The following CFAP77 variants were observed in gnomAD, a reference collection of about 807,000 sequenced individuals.
CFAP77 encodes cilia and flagella associated protein 77, also known as cilia- and flagella-associated protein 77.
Under a neutral mutation model 31.1 loss-of-function variants are expected in CFAP77, and 25 were observed. The ratio of observed to expected loss-of-function variants is 0.80; its 90% CI spans 0.59 to 1.12. The LOEUF is 1.12. CFAP77 is among the 50% of genes most tolerant of loss of function. The probability of loss-of-function intolerance (pLI) is 0.00; values close to 1 mark genes in which losing one functional copy is unlikely to be tolerated. For synonymous variants in CFAP77, 151 were observed against 159.9 expected (o/e 0.94, Z 0.42); for missense variants, 377 against 397.3 (o/e 0.95, Z 0.44).
intron 1 of CFAP77, among the ~76,000 whole-genome samples, chr9:132,464,357 A>G (rs1851114868): frequency 6.6e-6 from 1 of 151,904 alleles, no homozygotes; most frequent in South Asian, 2.1e-4. Context: ...TGCTCACCCC[A>G]ATTTAAAAAA....
chr9:132,515,926 G>C (rs1467641033), intron 3 of CFAP77, among the ~76,000 whole-genome samples: 1 of 152,246 alleles, frequency 6.6e-6, no homozygotes, highest in East Asian at 1.9e-4. Context: ...CTTGGGAAGA[G>C]AGAGAGGCAC....
intron 1 of CFAP77, among the ~76,000 whole-genome samples, chr9:132,428,411 C>G (rs1002686158): frequency 6.6e-6 from 1 of 152,008 alleles, no homozygotes; most frequent in Non-Finnish European, 1.5e-5. Flanking sequence ...GTCAGGAGTT[C>G]CAAACCAACC....
Position 132,423,448 on chromosome 9 carries a change from C to T in CFAP77, c.195+12982C>T, listed in dbSNP as rs551736674. On this transcript the variant is annotated intron_variant, in intron 1 of 5. Transcript: ENST00000393216. ...TCTGTGCAATGTGCTCACTGTGTGC[C>T]GGGCACTGTGCCTCTCCCTTACATC... is the stretch of plus-strand genomic sequence containing the variant. Among the ~76,000 whole-genome samples, 7 of 152,296 alleles carry T rather than the reference C, an allele frequency of 4.6e-5. No homozygotes were observed. The East Asian group carries it at 7.7e-4, about 17-fold the overall frequency.
Position 132,476,525 on chromosome 9 carries a change from C to T in CFAP77, c.196-22170C>T, listed in dbSNP as rs112930151. On this transcript the variant is annotated intron_variant, in intron 1 of 5. Coordinates refer to ENST00000393216, the MANE Select transcript of CFAP77 (RefSeq NM_001282957.2). ...GTGCTTGGTACTGGGATGGTTCCCACGAGGTGCTGGGTAATGAGTGCTGTG... is the reference window on the plus strand; with the variant it reads ...GTGCTTGGTACTGGGATGGTTCCCATGAGGTGCTGGGTAATGAGTGCTGTG... Among the ~76,000 whole-genome samples, 218 of 152,200 alleles carry T rather than the reference C, an allele frequency of 1.4e-3. 2 individuals are homozygous for T. The highest frequency in any genetic ancestry group is 4.9e-3 in the African/African-American group (202 of 41,522).
At chr9:132,437,457 TC>T (rs1850522301) in intron 1 of CFAP77, among the ~76,000 whole-genome samples, 1 of 151,336 alleles carries the variant, frequency 6.6e-6, no homozygotes, top group East Asian at 1.9e-4. Context: ...CTGGACTTCG[TC>T]CGAGGGCAGT....
chr9:132,486,796 A>T lies in CFAP77; in HGVS notation c.196-11899A>T, dbSNP rs948484765. On this transcript the variant is annotated intron_variant, in intron 1 of 5. Coordinates refer to ENST00000393216, the MANE Select transcript of CFAP77 (RefSeq NM_001282957.2). ...AATCTCTCGATCTCATAAGCTGCAC[A>T]GCGAGATCATGTAAATGCAAATGAA... is the stretch of plus-strand genomic sequence containing the variant. Among the ~76,000 whole-genome samples, 45 of 152,286 alleles carry T rather than the reference A, an allele frequency of 3.0e-4. 1 individual carries two copies. Among genetic ancestry groups the T allele is most frequent in the Non-Finnish European group, 1.5e-5 (1 of 68,044 alleles).
chr9:132,502,705 G>A (rs892575068), intron 3 of CFAP77, among the ~76,000 whole-genome samples: 7 of 152,112 alleles, frequency 4.6e-5, no homozygotes, highest in Non-Finnish European at 1.0e-4. Context: ...TCATTCATCC[G>A]CTGATGTGCA....
At chr9:132,561,635 ACACACACACACACACACACACACACACC>A (rs1175963137) in intron 5 of CFAP77, among the ~76,000 whole-genome samples, 58 of 137,560 alleles carry the variant, frequency 4.2e-4, no homozygotes, top group African/African-American at 1.4e-3. Flanking sequence ...ACACACACAC[ACACACACACACACACACACACACACACC>A]CCCTCCATGT....
intron 1 of CFAP77, among the ~76,000 whole-genome samples, chr9:132,436,850 C>A (rs1289128890): frequency 1.3e-5 from 2 of 152,080 alleles, no homozygotes; most frequent in Admixed American, 1.3e-4. Context: ...AGTATGATAG[C>A]AGTTTTGCAA....
intron 1 of CFAP77, among the ~76,000 whole-genome samples, chr9:132,491,509 C>T (rs867815290): frequency 2.6e-5 from 4 of 152,164 alleles, no homozygotes; most frequent in Admixed American, 6.5e-5. Flanking sequence ...TACAAACGCA[C>T]GACTGTGGAC....
At chr9:132,467,064 G>C (rs1227089497) in intron 1 of CFAP77, among the ~76,000 whole-genome samples, 2 of 152,152 alleles carry the variant, frequency 1.3e-5, no homozygotes, top group Non-Finnish European at 2.9e-5. Flanking sequence ...TGTAATCCCA[G>C]CTTTTGGGGA....
At chr9:132,438,542 T>TATATATATATATATATATA (rs1491134869) in intron 1 of CFAP77, among the ~76,000 whole-genome samples, 2 of 81,942 alleles carry the variant, frequency 2.4e-5, no homozygotes, top group African/African-American at 1.0e-4. Context: ...TATATATATA[T>TATATATATATATATATATA]TTTTTTTTTT....
Position 132,495,470 on chromosome 9 carries a change from A to G in CFAP77, c.196-3225A>G, listed in dbSNP as rs1851726718. ...CATTTTCATAAACAAATGAGAGGCC[A>G]GAGCTTTGTCTGTAACTCAGAGAGC... On this transcript the variant is annotated intron_variant, in intron 1 of 5. Transcript: ENST00000393216. The surrounding 1 kb of genome is among the most constrained non-coding windows in gnomAD (Gnocchi z 4.2). Among the ~76,000 whole-genome samples, 1 of 152,210 alleles carries G rather than the reference A, an allele frequency of 6.6e-6. No homozygotes were observed. The highest frequency in any genetic ancestry group is 2.4e-5 in the African/African-American group (1 of 41,442).
At chr9:132,514,217 G>A (rs959025089) in intron 3 of CFAP77, among the ~76,000 whole-genome samples, 11 of 148,478 alleles carry the variant, frequency 7.4e-5, no homozygotes, top group African/African-American at 1.3e-4. Context: ...GTGAGGGGAC[G>A]CCCCCTTCCC....
chr9:132,442,376 A>G (rs1297065251), intron 1 of CFAP77, among the ~76,000 whole-genome samples: 1 of 152,030 alleles, frequency 6.6e-6, no homozygotes, highest in Non-Finnish European at 1.5e-5. Context: ...CATGGCGAAA[A>G]CCTGTCTCTA....
chr9:132,522,929 A>C (rs1297240081), intron 3 of CFAP77, among the ~76,000 whole-genome samples: 1 of 152,190 alleles, frequency 6.6e-6, no homozygotes, highest in Non-Finnish European at 1.5e-5. Context: ...AACTCTCAGG[A>C]GTCCTTTTCT....
At chr9:132,515,239 C>T (rs911037320) in intron 3 of CFAP77, among the ~76,000 whole-genome samples, 2 of 152,216 alleles carry the variant, frequency 1.3e-5, no homozygotes, top group African/African-American at 2.4e-5. Flanking sequence ...ATTCACTCTT[C>T]AGACAGAGAA....
At chr9:132,478,119 GT>G (rs921418753) in intron 1 of CFAP77, among the ~76,000 whole-genome samples, 2 of 152,110 alleles carry the variant, frequency 1.3e-5, no homozygotes, top group Non-Finnish European at 2.9e-5. Context: ...ATCCCCACAT[GT>G]TGAAGATGGG....
intron 5 of CFAP77, among the ~76,000 whole-genome samples, chr9:132,569,728 C>CTTTT (rs558402201): frequency 3.9e-4 from 38 of 98,494 alleles, no homozygotes; most frequent in East Asian, 9.9e-4. Flanking sequence ...TCTAGCTGCC[C>CTTTT]TTTTTTTTTT....
Sources: allele counts gnomAD v4.1 joint callset (sites outside exome capture counted in the v4.1 genomes callset), GRCh38; gene constraint gnomAD v4.1.1; non-coding constraint Gnocchi (gnomAD v3.1); transcripts MANE v1.5; gene names NCBI Gene and HGNC (gene_info 2026-07-23, HGNC 2026-07-21).